The following SLC26A7 variants were observed in gnomAD, a reference collection of about 807,000 sequenced individuals.
SLC26A7 encodes the protein solute carrier family 26 member 7.
In SLC26A7, 59 loss-of-function variants were observed where a neutral mutation model predicts 82.5. The observed-to-expected ratio is 0.72, with a 90% CI of 0.58 to 0.89. SLC26A7 has a LOEUF of 0.89. Ranked by LOEUF, SLC26A7 falls within the 40% of genes least tolerant of loss-of-function variation. The pLI is 0.00. For missense variants in SLC26A7, 820 were observed against 793.0 expected, an observed-to-expected ratio of 1.03 and a Z score of -0.41; for synonymous variants, 271 against 274.3, an observed-to-expected ratio of 0.99 and a Z score of 0.12.
At chr8:91,263,900 C>A (rs1811038680) in intron 2 of SLC26A7, among the ~76,000 whole-genome samples, 1 of 151,950 alleles carries the variant, frequency 6.6e-6, no homozygotes, top group Non-Finnish European at 1.5e-5. Flanking sequence ...AAGTGATGAG[C>A]ACAAAGGAGT....
intron 5 of SLC26A7, among the ~76,000 whole-genome samples, chr8:91,327,728 T>C (rs937154106): frequency 6.6e-6 from 1 of 152,194 alleles, no homozygotes; most frequent in African/African-American, 2.4e-5. Flanking sequence ...TATTACAGTG[T>C]GCTAATTTTA....
intron 2 of SLC26A7, among the ~76,000 whole-genome samples, chr8:91,236,124 A>G (rs938091618): frequency 3.3e-5 from 5 of 152,204 alleles, no homozygotes; most frequent in Non-Finnish European, 1.5e-5. Context: ...GTAACCAAAT[A>G]TTTATATCTT....
At chr8:91,328,105 A>C (rs1250264345) in intron 5 of SLC26A7, among the ~76,000 whole-genome samples, 1 of 152,128 alleles carries the variant, frequency 6.6e-6, no homozygotes, top group Non-Finnish European at 1.5e-5. Context: ...AATTTTTAAT[A>C]CTTGTTAATA....
intron 4 of SLC26A7, among the ~76,000 whole-genome samples, chr8:91,313,138 T>G (rs1218383117): frequency 6.6e-6 from 1 of 152,218 alleles, no homozygotes; most frequent in African/African-American, 2.4e-5. Context: ...TTTAGATCTT[T>G]GAACCATTTT....
At chr8:91,243,014 A>G (rs1002350803) in intron 2 of SLC26A7, among the ~76,000 whole-genome samples, 5 of 151,500 alleles carry the variant, frequency 3.3e-5, no homozygotes, top group African/African-American at 9.8e-5. Context: ...ATAAAAAAAT[A>G]TAGAGAATAT....
chr8:91,334,452 G>C lies in SLC26A7; in HGVS notation c.795+5G>C. The C allele has an allele frequency of 6.2e-7, 1 of 1,607,710 alleles. No homozygotes were observed. Among genetic ancestry groups the C allele is most frequent in the Non-Finnish European group, 8.5e-7 (1 of 1,177,522 alleles). ...CTTCCTGTAGATTTAGTTTTGGTAA[G>C]TATAAAATCAACATTTAGCTTTTTG... On this transcript the variant is annotated splice_donor_5th_base_variant and intron_variant, in intron 6 of 18. Coordinates refer to ENST00000276609, the MANE Select transcript of SLC26A7 (RefSeq NM_052832.4).
intron 8 of SLC26A7, among the ~76,000 whole-genome samples, chr8:91,341,710 G>C (rs1011454005): frequency 6.6e-6 from 1 of 152,082 alleles, no homozygotes; most frequent in Admixed American, 6.6e-5. Flanking sequence ...CAGAGTAAGA[G>C]CCTCTCTCAT....
chr8:91,365,510 T>C (rs957356038), intron 13 of SLC26A7, among the ~76,000 whole-genome samples: 3 of 152,222 alleles, frequency 2.0e-5, no homozygotes, highest in Non-Finnish European at 4.4e-5. Context: ...AGTTCATTGT[T>C]ATTTTTTGTT....
At chr8:91,286,869 GA>G (rs980574240) in intron 2 of SLC26A7, among the ~76,000 whole-genome samples, 2 of 152,144 alleles carry the variant, frequency 1.3e-5, no homozygotes, top group Non-Finnish European at 2.9e-5. Flanking sequence ...TCAGAAAAAG[GA>G]AACTTTATCC....
At chr8:91,352,601 T>C (rs553422721) in intron 10 of SLC26A7, among the ~76,000 whole-genome samples, 3 of 152,274 alleles carry the variant, frequency 2.0e-5, no homozygotes, top group African/African-American at 7.2e-5. Context: ...TGAATACGTT[T>C]AGTTAAGAGG....
At chr8:91,350,801 G>A (rs1001635956) in intron 9 of SLC26A7, among the ~76,000 whole-genome samples, 5 of 152,058 alleles carry the variant, frequency 3.3e-5, no homozygotes, top group Non-Finnish European at 7.4e-5. Flanking sequence ...GGTTTCACGT[G>A]GACATATGTT....
At chr8:91,312,090 A>G (rs1482690139) in intron 4 of SLC26A7, among the ~76,000 whole-genome samples, 11 of 152,078 alleles carry the variant, frequency 7.2e-5, no homozygotes, top group Admixed American at 7.2e-4. Context: ...CTGAAACTCT[A>G]TACTCATTAG....
At chr8:91,328,440 A>G (rs1257588686) in intron 5 of SLC26A7, among the ~76,000 whole-genome samples, 1 of 152,154 alleles carries the variant, frequency 6.6e-6, no homozygotes, top group Non-Finnish European at 1.5e-5. Flanking sequence ...AACCTCAATA[A>G]ACAAGTTGAA....
chr8:91,337,466 C>G (rs112858584), intron 6 of SLC26A7, among the ~76,000 whole-genome samples: 44 of 152,120 alleles, frequency 2.9e-4, no homozygotes, highest in African/African-American at 9.4e-4. Context: ...AATGCAGTGG[C>G]TGGTGAACTG....
intron 4 of SLC26A7, among the ~76,000 whole-genome samples, chr8:91,310,659 T>A (rs1812455707): frequency 6.6e-6 from 1 of 152,128 alleles, no homozygotes; most frequent in African/African-American, 2.4e-5. Context: ...TATATGACCT[T>A]CCAGGAAAAT....
chr8:91,274,315 TA>T (rs1200870287), intron 2 of SLC26A7, among the ~76,000 whole-genome samples: 1 of 152,222 alleles, frequency 6.6e-6, no homozygotes, highest in Non-Finnish European at 1.5e-5. Context: ...GCTGCTATAA[TA>T]AAATGCTGAG....
chr8:91,333,680 T>C (rs1240150067), intron 5 of SLC26A7, among the ~76,000 whole-genome samples: 4 of 152,180 alleles, frequency 2.6e-5, no homozygotes, highest in African/African-American at 4.8e-5. Context: ...TAGCAATTCC[T>C]ACACTAGACC....
At chr8:91,362,959 C>A (rs560826628) in intron 12 of SLC26A7, among the ~76,000 whole-genome samples, 18 of 152,102 alleles carry the variant, frequency 1.2e-4, no homozygotes, top group Admixed American at 5.2e-4. Context: ...CTGACCAATT[C>A]TTTTTCTGCT....
chr8:91,349,871 A>G (rs1813665765), intron 9 of SLC26A7, among the ~76,000 whole-genome samples: 1 of 152,154 alleles, frequency 6.6e-6, no homozygotes, highest in Non-Finnish European at 1.5e-5. Flanking sequence ...TTACTGAATC[A>G]CTGACTGAGC....
Sources: allele counts gnomAD v4.1 joint callset (sites outside exome capture counted in the v4.1 genomes callset), GRCh38; gene constraint gnomAD v4.1.1; transcripts MANE v1.5; gene names NCBI Gene and HGNC (gene_info 2026-07-23, HGNC 2026-07-21).